HTR2C: variants seen among roughly 807,000 people sequenced by gnomAD.
The protein encoded by HTR2C is 5-hydroxytryptamine (serotonin) receptor 2C, G protein-coupled.
In HTR2C, 5 loss-of-function variants were observed where a neutral mutation model predicts 21.0. That is an observed-to-expected ratio of 0.24 (90% CI 0.12 to 0.50). The LOEUF (loss-of-function observed/expected upper bound fraction) is 0.50, where lower values mean the gene tolerates loss of function less well. Ranked by LOEUF, HTR2C falls within the 20% of genes least tolerant of loss-of-function variation. HTR2C has a pLI of 0.98. For missense variants in HTR2C, 271 were observed against 371.2 expected, an observed-to-expected ratio of 0.73 and a Z score of 2.22; for synonymous variants, 150 against 145.3, an observed-to-expected ratio of 1.03 and a Z score of -0.23.
chrX:114,754,197 AT>A (rs142130507), intron 4 of HTR2C, among the ~76,000 whole-genome samples: 51,680 of 110,077 alleles, frequency 0.47, 10,723 homozygotes, highest in East Asian at 0.76. Context: ...CAACATATGA[AT>A]TTTAGGGGGA....
At chrX:114,771,476 G>A (rs2070002962) in intron 4 of HTR2C, among the ~76,000 whole-genome samples, 3 of 111,428 alleles carry the variant, frequency 2.7e-5, no homozygotes, top group African/African-American at 9.8e-5. Flanking sequence ...GATTTTTGTG[G>A]GAGGTCACAC....
intron 3 of HTR2C, among the ~76,000 whole-genome samples, chrX:114,728,647 T>C (rs1556422593): frequency 9.0e-6 from 1 of 111,173 alleles, no homozygotes; most frequent in East Asian, 2.8e-4. Flanking sequence ...CAAGACTCCT[T>C]CCTTCAATAA....
intron 5 of HTR2C, among the ~76,000 whole-genome samples, chrX:114,888,167 C>T (rs782113654): frequency 1.8e-5 from 2 of 111,515 alleles, no homozygotes; most frequent in Non-Finnish European, 3.8e-5. Context: ...TTGTATTTTT[C>T]CAACTTTTAG....
chrX:114,699,967 A>AC (rs2147307004), intron 2 of HTR2C, among the ~76,000 whole-genome samples: 1 of 110,320 alleles, frequency 9.1e-6, no homozygotes, highest in Admixed American at 9.7e-5. Flanking sequence ...TAAGTTATAA[A>AC]TTTTTGGCAA....
At chrX:114,732,642 C>T (rs1602730062) in intron 4 of HTR2C, among the ~76,000 whole-genome samples, 1 of 111,370 alleles carries the variant, frequency 9.0e-6, no homozygotes, top group African/African-American at 3.3e-5. Flanking sequence ...TATTCTTCAT[C>T]GAGTTTCAAT....
intron 5 of HTR2C, among the ~76,000 whole-genome samples, chrX:114,873,437 T>C (rs2071107677): frequency 9.0e-6 from 1 of 111,616 alleles, no homozygotes; most frequent in Non-Finnish European, 1.9e-5. Context: ...TGCCCAGCAT[T>C]ATGGATTTTA....
At chrX:114,729,014 C>T (rs902288260) in intron 3 of HTR2C, among the ~76,000 whole-genome samples, 13 of 111,997 alleles carry the variant, frequency 1.2e-4, no homozygotes, top group African/African-American at 3.9e-4. Context: ...TCTTGTGGGA[C>T]TACTTGAGAT....
chrX:114,834,670 C>G (rs1387776879), intron 4 of HTR2C, among the ~76,000 whole-genome samples: 1 of 103,943 alleles, frequency 9.6e-6, no homozygotes, highest in African/African-American at 3.5e-5. Flanking sequence ...ATTTGCCAGT[C>G]TGTGTCTTTT....
At chrX:114,843,862 C>T (rs1363698871) in intron 4 of HTR2C, among the ~76,000 whole-genome samples, 4 of 111,040 alleles carry the variant, frequency 3.6e-5, no homozygotes, top group Non-Finnish European at 7.6e-5. Context: ...ACTAAATGCT[C>T]TAAATCTGGC....
chrX:114,904,367 C>T (rs889171251), intron 5 of HTR2C, among the ~76,000 whole-genome samples: 25 of 111,703 alleles, frequency 2.2e-4, no homozygotes, highest in African/African-American at 8.1e-4. Flanking sequence ...CCACTTCTCC[C>T]TCCCGTATTA....
intron 2 of HTR2C, among the ~76,000 whole-genome samples, chrX:114,643,289 A>G (rs781807965): frequency 9.0e-6 from 1 of 110,790 alleles, no homozygotes; most frequent in South Asian, 3.9e-4. Context: ...TATTGTTTGC[A>G]AGAGCCATGA....
rs1350694289 is a variant in HTR2C at position 114,619,638 on chromosome X, A to G, written c.-80+5757A>G. Among the ~76,000 whole-genome samples the G allele has an allele frequency of 4.5e-5, 5 of 111,032 alleles. No individual in the cohort carries two copies. In the Admixed American group the frequency reaches 4.8e-4, roughly 11 times the overall value. ...ATCACCAGTACACCATTTAACTCCT[A>G]TATAAGCCATCAAAACACGAGCTTA... On this transcript the variant is annotated intron_variant, in intron 2 of 5. Transcript: ENST00000276198.
intron 2 of HTR2C, among the ~76,000 whole-genome samples, chrX:114,649,953 C>T (rs987945673): frequency 2.7e-5 from 3 of 111,437 alleles, no homozygotes; most frequent in Non-Finnish European, 3.8e-5. Flanking sequence ...CATCACCATT[C>T]AGTCATTTCT....
chrX:114,771,619 T>A (rs1385809286), intron 4 of HTR2C, among the ~76,000 whole-genome samples: 3 of 112,163 alleles, frequency 2.7e-5, no homozygotes, highest in African/African-American at 9.7e-5. Context: ...CATACACATT[T>A]GTGCAGCCTT....
intron 5 of HTR2C, among the ~76,000 whole-genome samples, chrX:114,856,023 A>T (rs2070958119): frequency 1.1e-5 from 1 of 91,058 alleles, no homozygotes; most frequent in African/African-American, 3.8e-5. Context: ...GAAAAGAGGA[A>T]GTCAAATTGT....
At chrX:114,804,109 A>G (rs964582054) in intron 4 of HTR2C, among the ~76,000 whole-genome samples, 1 of 111,703 alleles carries the variant, frequency 9.0e-6, no homozygotes, top group Middle Eastern at 4.6e-3. Context: ...GATCTATGCC[A>G]GAGTTTCTTG....
intron 4 of HTR2C, among the ~76,000 whole-genome samples, chrX:114,749,002 GAA>G (rs1556427018): frequency 1.8e-5 from 2 of 111,165 alleles, no homozygotes; most frequent in Non-Finnish European, 3.8e-5. Flanking sequence ...TTTGTATCCT[GAA>G]TAGATAAAGA....
intron 5 of HTR2C, among the ~76,000 whole-genome samples, chrX:114,881,070 G>T (rs1479660797): frequency 1.8e-5 from 2 of 110,568 alleles, no homozygotes; most frequent in Admixed American, 1.9e-4. Context: ...GTGTAAAGTG[G>T]TATCTCATTG....
chrX:114,898,061 A>G (rs1226295056), intron 5 of HTR2C, among the ~76,000 whole-genome samples: 1 of 111,481 alleles, frequency 9.0e-6, no homozygotes, highest in Non-Finnish European at 1.9e-5. Context: ...CAACCTCACC[A>G]CCCTCTGTTG....
Sources: allele counts gnomAD v4.1 joint callset (sites outside exome capture counted in the v4.1 genomes callset), GRCh38; gene constraint gnomAD v4.1.1; transcripts MANE v1.5; gene names NCBI Gene and HGNC (gene_info 2026-07-23, HGNC 2026-07-21).